Variants in INPP5F observed in about 807,000 individuals in gnomAD.
INPP5F encodes inositol polyphosphate-5-phosphatase F, also known as phosphatidylinositide 4-phosphatase SAC2.
A neutral mutation model predicts 137.2 loss-of-function variants in INPP5F; 97 were observed. The observed-to-expected ratio is 0.71, with a 90% CI of 0.60 to 0.84. INPP5F has a LOEUF of 0.84. INPP5F is among the 40% of genes least tolerant of loss of function. The pLI is 0.00. For missense variants in INPP5F, 1,271 were observed against 1,371.9 expected (o/e 0.93, Z 1.16); for synonymous variants, 504 against 476.9 (o/e 1.06, Z -0.74).
Position 119,827,181 on chromosome 10 carries a change from G to C in INPP5F, c.2800G>C (p.Glu934Gln). 6.2e-7 allele frequency: 1 copy of C among 1,614,060 alleles called. No homozygotes were observed. The highest frequency in any genetic ancestry group is 8.5e-7 in the Non-Finnish European group (1 of 1,180,032). Residue 934 changes from glutamate to glutamine, a missense_variant, in exon 20 of 20, where the codon GAG (glutamate) becomes CAG (glutamine). Coordinates refer to ENST00000650623, the MANE Select transcript of INPP5F (RefSeq NM_014937.4). ...AHGSGLGKGQ[E>Q]SPLKKSPSAG... ...TGGGAGTGGGCTTGGAAAAGGCCAG[G>C]AGTCTCCTTTGAAGAAAAGTCCTTC...
At chr10:119,775,342 C>T (rs535426064) in intron 2 of INPP5F, among the ~76,000 whole-genome samples, 33 of 152,120 alleles carry the variant, frequency 2.2e-4, no homozygotes, top group Non-Finnish European at 4.7e-4. Context: ...ACTGCAGCCT[C>T]GACCTCTCTC....
intron 15 of INPP5F, among the ~76,000 whole-genome samples, chr10:119,818,056 G>A (rs1851355614): frequency 6.6e-6 from 1 of 152,248 alleles, no homozygotes; most frequent in Non-Finnish European, 1.5e-5. Context: ...CGGATACAGA[G>A]AACTAGAAAC....
At chr10:119,791,460 C>CG in intron 3 of INPP5F, 57 bp from the exon 4 acceptor site, 1 of 1,406,412 alleles carries the variant, frequency 7.1e-7, no homozygotes, top group East Asian at 2.3e-5. Flanking sequence ...CTTTTGCACT[C>CG]GAACATTTAA....
chr10:119,794,101 G>A (rs1454216903), intron 6 of INPP5F, among the ~76,000 whole-genome samples: 1 of 152,068 alleles, frequency 6.6e-6, no homozygotes, highest in Non-Finnish European at 1.5e-5. Context: ...CAATAGTGGA[G>A]GGAAGGTCAG....
At chr10:119,747,272 G>A (rs548758827) in intron 1 of INPP5F, among the ~76,000 whole-genome samples, 2 of 151,418 alleles carry the variant, frequency 1.3e-5, no homozygotes, top group South Asian at 4.2e-4. Flanking sequence ...CCCCCAGGCT[G>A]GAGTGCAGTG....
chr10:119,785,861 A>C (rs899890054), intron 3 of INPP5F, among the ~76,000 whole-genome samples: 3 of 152,160 alleles, frequency 2.0e-5, no homozygotes, highest in African/African-American at 7.2e-5. Context: ...CCTGTCTCTA[A>C]AAAAGAAAAA....
At chr10:119,795,516 T>G (rs1337777501) in intron 6 of INPP5F, among the ~76,000 whole-genome samples, 4 of 136,338 alleles carry the variant, frequency 2.9e-5, no homozygotes, top group Admixed American at 1.4e-4. Context: ...TTCCCAGATG[T>G]GATGGCGGCT....
At chr10:119,788,252 A>G (rs1433598908) in intron 3 of INPP5F, among the ~76,000 whole-genome samples, 1 of 152,194 alleles carries the variant, frequency 6.6e-6, no homozygotes, top group Non-Finnish European at 1.5e-5. Flanking sequence ...GAGACGTCAC[A>G]TGCATCAGTC....
intron 15 of INPP5F, among the ~76,000 whole-genome samples, chr10:119,814,239 T>A (rs535222576): frequency 1.3e-4 from 19 of 151,956 alleles, no homozygotes; most frequent in African/African-American, 3.6e-4. Flanking sequence ...AAAATAAAAT[T>A]AGCTGGGCAT....
At chr10:119,783,730 T>A (rs1713804436) in intron 3 of INPP5F, among the ~76,000 whole-genome samples, 2 of 152,200 alleles carry the variant, frequency 1.3e-5, no homozygotes, top group Admixed American at 6.5e-5. Context: ...CTCTCGATAG[T>A]CTAAGGGAAA....
chr10:119,757,058 A>G (rs548635407), intron 2 of INPP5F, among the ~76,000 whole-genome samples: 1 of 140,768 alleles, frequency 7.1e-6, no homozygotes, highest in South Asian at 2.6e-4. Context: ...ACCAGTTGAG[A>G]TTTCTTTACT....
chr10:119,729,661 C>T (rs1847994830), intron 1 of INPP5F, among the ~76,000 whole-genome samples: 1 of 151,524 alleles, frequency 6.6e-6, no homozygotes, highest in African/African-American at 2.4e-5. Context: ...GCTGTAGCCC[C>T]TACCTCCCGG....
At chr10:119,810,912 C>T (rs1174218183) in intron 14 of INPP5F, among the ~76,000 whole-genome samples, 1 of 152,122 alleles carries the variant, frequency 6.6e-6, no homozygotes, top group African/African-American at 2.4e-5. Flanking sequence ...TGATTTAGTG[C>T]ACACATCAGA....
chr10:119,785,571 A>AGAGAGAGAGAGAGAGAGAGAGAGAGG (rs1849875604), intron 3 of INPP5F, among the ~76,000 whole-genome samples: 1 of 151,220 alleles, frequency 6.6e-6, no homozygotes, highest in Non-Finnish European at 1.5e-5. Flanking sequence ...AGAGAGAGAG[A>AGAGAGAGAGAGAGAGAGAGAGAGAGG]GAGAGAGACT....
At chr10:119,751,330 T>TA (rs565885960) in intron 2 of INPP5F, among the ~76,000 whole-genome samples, 174 bp downstream of exon 2, 85 of 152,310 alleles carry the variant, frequency 5.6e-4, no homozygotes, top group African/African-American at 2.0e-3. Context: ...TTATGGAGCT[T>TA]ACAGTTTAGG....
intron 9 of INPP5F, chr10:119,799,453 G>A (rs1850506703): frequency 1.3e-5 from 3 of 225,560 alleles, no homozygotes; most frequent in Middle Eastern, 9.7e-4. Context: ...GTTCCTGGAA[G>A]GGAAGTCTCA....
At chr10:119,825,809 C>T (rs1256392549) in intron 19 of INPP5F, 1 of 393,910 alleles carries the variant, frequency 2.5e-6, no homozygotes, top group Non-Finnish European at 4.5e-6. Context: ...GAAAATTGTT[C>T]AGGCTTTTGT....
intron 15 of INPP5F, among the ~76,000 whole-genome samples, chr10:119,820,221 G>C (rs902931143): frequency 6.6e-6 from 1 of 152,124 alleles, no homozygotes. Flanking sequence ...ACACTACCTG[G>C]ATTCTAATTC....
intron 19 of INPP5F, among the ~76,000 whole-genome samples, chr10:119,825,320 A>G (rs541213054): frequency 1.3e-5 from 2 of 152,328 alleles, no homozygotes; most frequent in South Asian, 4.1e-4. Context: ...ACAGTGCCAT[A>G]CAAAGGTTAT....
Sources: gnomAD v4.1 joint callset for allele counts (sites outside exome capture counted in the v4.1 genomes callset) on GRCh38, gnomAD v4.1.1 for gene constraint, MANE v1.5 for transcripts, NCBI Gene and HGNC (gene_info 2026-07-23, HGNC 2026-07-21) for gene names.